The following TET1 variants were observed in gnomAD, a reference collection of about 807,000 sequenced individuals.
The protein encoded by TET1 is methylcytosine dioxygenase TET1.
In TET1, 13 loss-of-function variants were observed where a neutral mutation model predicts 148.7. The ratio of observed to expected loss-of-function variants is 0.09; its 90% CI spans 0.06 to 0.14. TET1 has a LOEUF of 0.14. Among genes scored for constraint, TET1 ranks in the 10% least tolerant of loss-of-function variants. TET1 has a pLI of 1.00. For missense variants in TET1, 2,182 were observed against 2,553.8 expected (o/e 0.85, Z 3.14); for synonymous variants, 907 against 937.2 (o/e 0.97, Z 0.59).
intron 2 of TET1, among the ~76,000 whole-genome samples, chr10:68,595,917 A>AAC (rs2053973403): frequency 4.8e-5 from 3 of 62,224 alleles, no homozygotes; most frequent in Non-Finnish European, 6.5e-5. Context: ...GCCCAGCCAA[A>AAC]ACATATATAT....
intron 6 of TET1, among the ~76,000 whole-genome samples, chr10:68,656,583 CTT>C (rs2055025110): frequency 6.6e-6 from 1 of 152,184 alleles, no homozygotes; most frequent in Non-Finnish European, 1.5e-5. Context: ...GTTAGTCAAA[CTT>C]TATTTTTCCA....
At chr10:68,652,018 G>A (rs2054942810) in intron 5 of TET1, 82 bp downstream of exon 5, 2 of 1,278,282 alleles carry the variant, frequency 1.6e-6, no homozygotes, top group East Asian at 2.3e-5. Flanking sequence ...AAGAACAAAC[G>A]CCGTGATTGA....
At chr10:68,682,805 T>G in intron 9 of TET1, 31 bp from the exon 10 acceptor site, 1 of 1,604,656 alleles carries the variant, frequency 6.2e-7, no homozygotes, top group Non-Finnish European at 8.5e-7. Context: ...CTTCTCTCTC[T>G]TAAGATTGTG....
At chr10:68,598,658 T>C (rs2054014715) in intron 2 of TET1, among the ~76,000 whole-genome samples, 1 of 151,996 alleles carries the variant, frequency 6.6e-6, no homozygotes, top group Admixed American at 6.6e-5. Flanking sequence ...CAGGAAGAGT[T>C]GAGAACACCA....
At chr10:68,607,434 G>A (rs778106032) in intron 3 of TET1, among the ~76,000 whole-genome samples, 2 of 147,434 alleles carry the variant, frequency 1.4e-5, no homozygotes, top group African/African-American at 2.5e-5. Flanking sequence ...TTTTTTGTTT[G>A]TTTGTTTATT....
intron 2 of TET1, among the ~76,000 whole-genome samples, chr10:68,592,331 C>CA (rs1037149382): frequency 4.3e-5 from 6 of 140,302 alleles, no homozygotes; most frequent in African/African-American, 1.6e-4. Flanking sequence ...AAAGAAAAAA[C>CA]AAAAAACAAA....
chr10:68,666,535 T>C (rs975614950), intron 6 of TET1, among the ~76,000 whole-genome samples: 4 of 152,234 alleles, frequency 2.6e-5, no homozygotes, highest in African/African-American at 7.2e-5. Context: ...CTTGTGACAT[T>C]TGTGGAATTT....
At chr10:68,587,867 C>A (rs1172013629) in intron 2 of TET1, among the ~76,000 whole-genome samples, 1 of 152,056 alleles carries the variant, frequency 6.6e-6, no homozygotes, top group South Asian at 2.1e-4. Flanking sequence ...AATAGAAACA[C>A]GTCTTGTTGT....
At chr10:68,610,530 G>T (rs751465046) in intron 3 of TET1, among the ~76,000 whole-genome samples, 21 of 151,258 alleles carry the variant, frequency 1.4e-4, no homozygotes, top group Non-Finnish European at 2.1e-4. Flanking sequence ...GGCGGAGGTT[G>T]CAGTGAGTTG....
chr10:68,571,558 G>A (rs967245183), intron 1 of TET1, among the ~76,000 whole-genome samples: 23 of 150,482 alleles, frequency 1.5e-4, no homozygotes, highest in African/African-American at 5.2e-4. Flanking sequence ...GAGCCACTGC[G>A]CCTGGCAATT....
In TET1 at chr10:68,682,867, G is replaced by A. The variant is rs755430373; in HGVS notation, c.4946G>A (p.Arg1649Gln). 1 of 1,613,288 alleles carries A rather than the reference G, an allele frequency of 6.2e-7. No individual in the cohort carries two copies. Among genetic ancestry groups the A allele is most frequent in the Non-Finnish European group, 8.5e-7 (1 of 1,179,796 alleles). The change falls in exon 10 of 12, where the codon CGG (arginine) becomes CAG (glutamine). Residue 1649 changes from arginine to glutamine, a missense_variant. Arg to Gln is a conservative substitution (Grantham distance 43, BLOSUM62 1). Transcript: ENST00000373644. ...VEYENVAREC[R>Q]LGSKEGRPFS... is the part of the protein sequence containing the mutation. The stretch of plus-strand genomic sequence containing the variant: ...TATGAAAATGTTGCCCGAGAATGTC[G>A]GCTTGGCAGCAAGGAAGGTCGTCCC...
chr10:68,654,626 A>C (rs1407371326), intron 6 of TET1, among the ~76,000 whole-genome samples: 1 of 152,116 alleles, frequency 6.6e-6, no homozygotes, highest in East Asian at 1.9e-4. Flanking sequence ...CAAAAAAAAC[A>C]AAAATGAAAA....
At chr10:68,670,577 T>G (rs1049086154) in intron 7 of TET1, among the ~76,000 whole-genome samples, 1 of 152,238 alleles carries the variant, frequency 6.6e-6, no homozygotes, top group Non-Finnish European at 1.5e-5. Context: ...TCTCACAACT[T>G]ATCACATTTC....
intron 3 of TET1, among the ~76,000 whole-genome samples, chr10:68,639,224 C>T (rs1293598663): frequency 6.6e-6 from 1 of 151,456 alleles, no homozygotes; most frequent in Non-Finnish European, 1.5e-5. Context: ...GAGTGCGAGA[C>T]CAGCCTGGCC....
intron 6 of TET1, 72 bp from the exon 7 acceptor site, chr10:68,666,973 C>A: frequency 1.6e-6 from 2 of 1,269,354 alleles, no homozygotes; most frequent in Non-Finnish European, 2.2e-6. Context: ...TGGAGAACAT[C>A]AAAAGGAATA....
intron 7 of TET1, among the ~76,000 whole-genome samples, chr10:68,672,512 C>CA (rs2055288968): frequency 1.8e-5 from 1 of 54,844 alleles, no homozygotes; most frequent in Non-Finnish European, 3.6e-5. Context: ...AAAAAAAAAA[C>CA]ACCAAAAAAA....
intron 6 of TET1, among the ~76,000 whole-genome samples, chr10:68,656,491 T>C (rs1331514712): frequency 1.3e-5 from 2 of 152,320 alleles, no homozygotes; most frequent in Middle Eastern, 3.4e-3. Flanking sequence ...CTTGATCTCC[T>C]AACCTCATGA....
chr10:68,619,714 T>C (rs1349830273), intron 3 of TET1, among the ~76,000 whole-genome samples: 1 of 152,162 alleles, frequency 6.6e-6, no homozygotes, highest in Non-Finnish European at 1.5e-5. Flanking sequence ...CTCAGCAAAT[T>C]TGCAGTGCAC....
chr10:68,639,409 A>G (rs966702878), intron 3 of TET1, among the ~76,000 whole-genome samples: 9 of 151,312 alleles, frequency 5.9e-5, no homozygotes, highest in Non-Finnish European at 1.3e-4. Flanking sequence ...GTGACAGAGC[A>G]AGACTCCGTC....
Sources: allele counts gnomAD v4.1 joint callset (sites outside exome capture counted in the v4.1 genomes callset), GRCh38; gene constraint gnomAD v4.1.1; transcripts MANE v1.5; gene names NCBI Gene and HGNC (gene_info 2026-07-23, HGNC 2026-07-21).